The following TTLL5 variants were observed in gnomAD, a reference collection of about 807,000 sequenced individuals.
TTLL5 encodes tubulin polyglutamylase TTLL5.
TTLL5 carries 132 observed loss-of-function variants against 168.4 expected under a neutral mutation model. The observed-to-expected ratio is 0.78, with a 90% CI of 0.68 to 0.91. The LOEUF is 0.91. Among genes scored for constraint, TTLL5 ranks in the 40% least tolerant of loss-of-function variants. The pLI is 0.00. For synonymous variants in TTLL5, 546 were observed against 558.6 expected (o/e 0.98, Z 0.32); for missense variants, 1,545 against 1,581.5 (o/e 0.98, Z 0.39).
intron 31 of TTLL5, among the ~76,000 whole-genome samples, chr14:75,914,930 A>G (rs192647624): frequency 7.2e-5 from 11 of 152,110 alleles, no homozygotes; most frequent in Non-Finnish European, 1.0e-4. Flanking sequence ...GCCGATCGCT[A>G]CTCTTTAGAT....
intron 5 of TTLL5, among the ~76,000 whole-genome samples, chr14:75,688,803 G>A (rs1885247898): frequency 6.6e-6 from 1 of 152,138 alleles, no homozygotes; most frequent in Non-Finnish European, 1.5e-5. Flanking sequence ...AGAGTAGAGA[G>A]TAGGAAAAAC....
At chr14:75,682,584 C>T (rs765389202) in intron 4 of TTLL5, among the ~76,000 whole-genome samples, 5 of 152,008 alleles carry the variant, frequency 3.3e-5, no homozygotes, top group Non-Finnish European at 7.4e-5. Context: ...TTGACAGGTT[C>T]TTGAAAACCA....
intron 9 of TTLL5, among the ~76,000 whole-genome samples, chr14:75,715,662 C>CT (rs1242076717): frequency 6.6e-6 from 1 of 152,060 alleles, no homozygotes; most frequent in East Asian, 1.9e-4. Context: ...TTCCTTTAAG[C>CT]TTTTTTGTTT....
intron 11 of TTLL5, 89 bp from the exon 12 acceptor site, chr14:75,720,507 G>A: frequency 1.0e-6 from 1 of 996,726 alleles, no homozygotes; most frequent in Non-Finnish European, 1.5e-6. Flanking sequence ...GAGCACACAT[G>A]CTTTTATAGT....
rs10658095 is a variant in TTLL5, at chr14:75,869,821, A to AT, written c.3522+5975dup. ...CTTGCAATGTATACATTCAACAAGT[A>AT]TTTTTTTTTTTTTTTTGCGATGGAG... On this transcript the variant is annotated intron_variant, in intron 29 of 31. Coordinates refer to ENST00000298832, the MANE Select transcript of TTLL5 (RefSeq NM_015072.5). 4.5e-3 allele frequency among the ~76,000 whole-genome samples: 367 copies of AT among 82,424 alleles called. 52 individuals are homozygous for AT. Among genetic ancestry groups the AT allele is most frequent in the African/African-American group, 0.013 (253 of 20,022 alleles). The allele number at this position is 82,424 out of a possible 152,430, so 54.1% of individuals were successfully genotyped here.
At chr14:75,848,081 G>A (rs74764708) in intron 28 of TTLL5, among the ~76,000 whole-genome samples, 2 of 151,804 alleles carry the variant, frequency 1.3e-5, no homozygotes, top group Non-Finnish European at 2.9e-5. Flanking sequence ...AAAAAAGGTG[G>A]AGTTTTGGAG....
At chr14:75,763,652 A>G (rs1890798954) in intron 18 of TTLL5, among the ~76,000 whole-genome samples, 1 of 152,128 alleles carries the variant, frequency 6.6e-6, no homozygotes, top group Non-Finnish European at 1.5e-5. Flanking sequence ...ACTGATATAG[A>G]TACTGCTTTT....
chr14:75,923,016 T>C (rs1291608888), intron 31 of TTLL5, among the ~76,000 whole-genome samples: 1 of 152,252 alleles, frequency 6.6e-6, no homozygotes, highest in Non-Finnish European at 1.5e-5. Context: ...TTTATTTGTC[T>C]GATGGTAGTT....
At chr14:75,880,817 G>C (rs944394744) in intron 29 of TTLL5, among the ~76,000 whole-genome samples, 24 of 152,314 alleles carry the variant, frequency 1.6e-4, no homozygotes, top group African/African-American at 5.5e-4. Flanking sequence ...AGGGCTCCTT[G>C]ATTCTCTTGG....
chr14:75,667,121 G>A (rs1340112393), intron 2 of TTLL5, among the ~76,000 whole-genome samples: 1 of 151,616 alleles, frequency 6.6e-6, no homozygotes. Context: ...CTTTCCATGG[G>A]TTGGAAATGA....
At chr14:75,760,944 T>C (rs771502195) in intron 18 of TTLL5, among the ~76,000 whole-genome samples, 1 of 152,128 alleles carries the variant, frequency 6.6e-6, no homozygotes, top group Non-Finnish European at 1.5e-5. Context: ...AGGAAAATGA[T>C]TTGGCAAGCC....
chr14:75,794,433 A>G (rs1241311305), intron 27 of TTLL5, among the ~76,000 whole-genome samples: 1 of 140,236 alleles, frequency 7.1e-6, no homozygotes, highest in Non-Finnish European at 1.5e-5. Flanking sequence ...AGACATTGAG[A>G]TTTTGTGATT....
intron 12 of TTLL5, among the ~76,000 whole-genome samples, chr14:75,728,333 G>T (rs1888316411): frequency 6.7e-6 from 1 of 148,736 alleles, no homozygotes; most frequent in Non-Finnish European, 1.5e-5. Flanking sequence ...TCTAGCCTGG[G>T]AGACAAGAGC....
At chr14:75,930,173 C>G (rs1041549715) in intron 31 of TTLL5, among the ~76,000 whole-genome samples, 1 of 152,146 alleles carries the variant, frequency 6.6e-6, no homozygotes, top group African/African-American at 2.4e-5. Flanking sequence ...TAATTATGCT[C>G]AGCACAATAC....
chr14:75,902,448 C>T (rs202122721), intron 31 of TTLL5: 33 of 676,574 alleles, frequency 4.9e-5, no homozygotes, highest in Admixed American at 1.6e-4. Context: ...AATGAAACCT[C>T]GCCATCTTAT....
chr14:75,762,317 C>T (rs1890699880), intron 18 of TTLL5, among the ~76,000 whole-genome samples: 1 of 152,126 alleles, frequency 6.6e-6, no homozygotes, highest in Admixed American at 6.6e-5. Flanking sequence ...ATTGCTTGAA[C>T]CCAGGAGGCA....
chr14:75,695,551 C>T (rs529730951), intron 6 of TTLL5, among the ~76,000 whole-genome samples: 22 of 152,198 alleles, frequency 1.4e-4, no homozygotes, highest in South Asian at 6.2e-4. Flanking sequence ...GCTGGTTTTG[C>T]GGCTCAGGGG....
At chr14:75,789,633 A>G (rs899547842) in intron 26 of TTLL5, among the ~76,000 whole-genome samples, 5 of 152,168 alleles carry the variant, frequency 3.3e-5, no homozygotes, top group Non-Finnish European at 7.4e-5. Flanking sequence ...TAGCATAAAA[A>G]CTGTGTTACC....
Position 75,951,714 on chromosome 14 carries a change from A to G in TTLL5, c.3824-2710A>G, listed in dbSNP as rs373527942. 1.4e-3 allele frequency among the ~76,000 whole-genome samples: 208 copies of G among 152,338 alleles called. 4 individuals are homozygous for G. In the South Asian group the frequency reaches 0.027, roughly 20 times the overall value. ...GAGGTTGAGGCTGTGGTGAGCCATGATTCTGCCTCTGCACAATACAGCCTC... is the reference window on the plus strand; with the variant it reads ...GAGGTTGAGGCTGTGGTGAGCCATGGTTCTGCCTCTGCACAATACAGCCTC... On this transcript the variant is annotated intron_variant, in intron 31 of 31. Coordinates refer to ENST00000298832, the MANE Select transcript of TTLL5 (RefSeq NM_015072.5).
Sources: gnomAD v4.1 joint callset for allele counts (sites outside exome capture counted in the v4.1 genomes callset) on GRCh38, gnomAD v4.1.1 for gene constraint, MANE v1.5 for transcripts, NCBI Gene and HGNC (gene_info 2026-07-23, HGNC 2026-07-21) for gene names.